Variants in PLS1 observed in about 807,000 individuals in gnomAD.
PLS1 encodes the protein plastin 1.
In PLS1, 32 loss-of-function variants were observed where a neutral mutation model predicts 73.7. That is an observed-to-expected ratio of 0.43 (90% CI 0.33 to 0.58). PLS1 has a LOEUF of 0.58. PLS1 is among the 20% of genes least tolerant of loss of function. The pLI is 0.04. For synonymous variants in PLS1, 217 were observed against 261.3 expected (o/e 0.83, Z 1.63); for missense variants, 633 against 740.5 (o/e 0.85, Z 1.68).
intron 1 of PLS1, among the ~76,000 whole-genome samples, chr3:142,617,277 A>G (rs987141906): frequency 2.6e-5 from 4 of 152,156 alleles, no homozygotes; most frequent in African/African-American, 9.7e-5. Flanking sequence ...CTTGCAGTCC[A>G]GAATGGAAGC....
intron 14 of PLS1, among the ~76,000 whole-genome samples, chr3:142,707,116 G>C (rs567755200): frequency 6.6e-6 from 1 of 152,276 alleles, no homozygotes; most frequent in African/African-American, 2.4e-5. Flanking sequence ...CAGAAACATC[G>C]CGAAAGTGCT....
At chr3:142,670,955 A>G (rs772595029) in intron 3 of PLS1, 38 bp from the exon 4 acceptor site, 3 of 1,441,478 alleles carry the variant, frequency 2.1e-6, no homozygotes, top group Non-Finnish European at 9.6e-7. Context: ...GTTTTTATTG[A>G]TTATCTGATT....
chr3:142,686,192 A>G, intron 8 of PLS1, 92 bp from the exon 9 acceptor site: 1 of 752,856 alleles, frequency 1.3e-6, no homozygotes, highest in Non-Finnish European at 2.3e-6. Flanking sequence ...TTTGAGATAG[A>G]GGCAATTTCT....
intron 1 of PLS1, chr3:142,656,466 A>C (rs1466528383): frequency 6.6e-6 from 1 of 152,226 alleles, no homozygotes; most frequent in East Asian, 1.9e-4. Context: ...ATGATATCCC[A>C]ATTCATACTT....
At chr3:142,710,999 T>C (rs993994154) in intron 14 of PLS1, among the ~76,000 whole-genome samples, 16 of 152,174 alleles carry the variant, frequency 1.1e-4, no homozygotes, top group Non-Finnish European at 4.4e-5. Context: ...AAAGAATTCC[T>C]TTACTATCAA....
intron 1 of PLS1, among the ~76,000 whole-genome samples, chr3:142,631,616 A>T (rs1168637766): frequency 1.4e-5 from 2 of 137,956 alleles, no homozygotes; most frequent in Non-Finnish European, 3.1e-5. Flanking sequence ...CGCCAAGATC[A>T]TGCCACTGCA....
chr3:142,624,044 A>T (rs192367769), intron 1 of PLS1, among the ~76,000 whole-genome samples: 2 of 152,292 alleles, frequency 1.3e-5, no homozygotes, highest in Non-Finnish European at 2.9e-5. Flanking sequence ...TTAATTGTGG[A>T]TAAGCAAAAC....
At chr3:142,607,176 A>C (rs2036036521) in intron 1 of PLS1, among the ~76,000 whole-genome samples, 1 of 152,226 alleles carries the variant, frequency 6.6e-6, no homozygotes, top group African/African-American at 2.4e-5. Flanking sequence ...AAAAACCAAT[A>C]GACTTTATCT....
At chr3:142,610,242 C>T (rs1315671194) in intron 1 of PLS1, among the ~76,000 whole-genome samples, 1 of 152,168 alleles carries the variant, frequency 6.6e-6, no homozygotes, top group Non-Finnish European at 1.5e-5. Flanking sequence ...TAAATATTCT[C>T]CAGTTCCATC....
At chr3:142,626,002 AATTC>A in intron 1 of PLS1, among the ~76,000 whole-genome samples, 1 of 152,308 alleles carries the variant, frequency 6.6e-6, no homozygotes, top group Admixed American at 6.5e-5. Context: ...TGAATAAATG[AATTC>A]ATGCATGCAT....
Position 142,631,664 on chromosome 3 carries a change from GAAAA to G in PLS1, c.-36-32515_-36-32512del, listed in dbSNP as rs71153981. On this transcript the variant is annotated intron_variant, in intron 1 of 15. Transcript: ENST00000457734. ...CAACAGAGTTGAGACCCTGTCTCTA[GAAAA>G]AAAAAAAAAAAAAAAAAAAAAAGAA... Among the ~76,000 whole-genome samples, 125 of 39,430 alleles carry G rather than the reference GAAAA, an allele frequency of 3.2e-3. No individual in the cohort carries two copies. The Admixed American group carries it at 0.038, about 12-fold the overall frequency. 25.9% of individuals were successfully genotyped at this position (39,430 alleles called of 152,430 possible). A position where few individuals can be genotyped will look rare whatever the true frequency, so the allele number is the denominator to read the frequency against.
chr3:142,645,194 A>T (rs2036927324), intron 1 of PLS1: 1 of 152,206 alleles, frequency 6.6e-6, no homozygotes, highest in South Asian at 2.1e-4. Flanking sequence ...GTACCTTTTC[A>T]AATCCATAAA....
At chr3:142,648,114 C>A (rs1334491429) in intron 1 of PLS1, among the ~76,000 whole-genome samples, 1 of 152,210 alleles carries the variant, frequency 6.6e-6, no homozygotes, top group South Asian at 2.1e-4. Flanking sequence ...CTTGGCACAA[C>A]ACCTAGCACC....
intron 1 of PLS1, among the ~76,000 whole-genome samples, chr3:142,619,909 T>G (rs13324817): frequency 0.059 from 8,929 of 152,206 alleles, 820 homozygotes; most frequent in African/African-American, 0.2. Flanking sequence ...GACTTTTTTC[T>G]TCTATTTTTT....
intron 12 of PLS1, chr3:142,698,361 G>T: frequency 4.9e-6 from 1 of 203,834 alleles, no homozygotes; most frequent in Non-Finnish European, 9.7e-6. Context: ...CGTTCTGAAT[G>T]TTTATTGGTT....
At chr3:142,704,719 G>GCTCACTGCAAGCTCTGC (rs1379141484) in intron 14 of PLS1, 133 bp downstream of exon 14, 1 of 416,680 alleles carries the variant, frequency 2.4e-6, no homozygotes, top group Non-Finnish European at 4.1e-6. Context: ...CGCGATCTTG[G>GCTCACTGCAAGCTCTGC]CTCACTGCAA....
intron 1 of PLS1, among the ~76,000 whole-genome samples, chr3:142,599,475 G>A (rs371587739): frequency 0.018 from 2,664 of 151,386 alleles, 26 homozygotes; most frequent in South Asian, 0.041. Context: ...GACTACAGGC[G>A]CCCGCCACCG....
intron 1 of PLS1, among the ~76,000 whole-genome samples, chr3:142,609,157 C>G (rs1182340493): frequency 1.3e-5 from 2 of 152,186 alleles, no homozygotes; most frequent in Non-Finnish European, 2.9e-5. Context: ...GATGATTGAT[C>G]ACAGATTAAT....
chr3:142,679,656 A>AT (rs1308228296), intron 6 of PLS1, among the ~76,000 whole-genome samples: 1 of 151,300 alleles, frequency 6.6e-6, no homozygotes, highest in Non-Finnish European at 1.5e-5. Context: ...TACCAGTACC[A>AT]TGCTGTTTTG....
Sources: allele counts gnomAD v4.1 joint callset (sites outside exome capture counted in the v4.1 genomes callset), GRCh38; gene constraint gnomAD v4.1.1; transcripts MANE v1.5; gene names NCBI Gene and HGNC (gene_info 2026-07-23, HGNC 2026-07-21).